Variants in PCDHA8 observed in about 807,000 individuals in gnomAD.
The protein encoded by PCDHA8 is protocadherin alpha-8.
In PCDHA8, 53 loss-of-function variants were observed where a neutral mutation model predicts 61.8. The observed-to-expected ratio is 0.86, with a 90% confidence interval of 0.69 to 1.08. The LOEUF is 1.08. PCDHA8 is among the 50% of genes least tolerant of loss of function. The pLI, the probability that PCDHA8 is intolerant of heterozygous loss-of-function variation, is 0.00. For missense variants in PCDHA8, 1,293 were observed against 1,245.0 expected (o/e 1.04, Z -0.58); for synonymous variants, 618 against 556.6 (o/e 1.11, Z -1.55).
At position 140,850,022 on chromosome 5, in the gene PCDHA8, A is replaced by G. The variant is rs201141536; in HGVS notation, c.2394+6307A>G. The stretch of plus-strand genomic sequence containing the variant: ...AGCGCTCGCTGTCGAGCTACGTGTC[A>G]GTGCACGCGGAGAGCGGCAAGGTGT... On this transcript the variant is annotated intron_variant, in intron 1 of 3. Transcript: ENST00000531613. 38 of 1,596,678 alleles carry G rather than the reference A, an allele frequency of 2.4e-5. 5 individuals are homozygous for G. The highest frequency in any genetic ancestry group is 7.7e-5 in the South Asian group (7 of 90,486).
chr5:140,992,847 A>G (rs183404145), intron 3 of PCDHA8, among the ~76,000 whole-genome samples: 1 of 152,264 alleles, frequency 6.6e-6, no homozygotes, highest in East Asian at 1.9e-4. Flanking sequence ...TTGTATAACA[A>G]CCAGTTTCAC....
chr5:140,872,075 C>T (rs1452265862), intron 1 of PCDHA8, among the ~76,000 whole-genome samples: 1 of 152,234 alleles, frequency 6.6e-6, no homozygotes, highest in Non-Finnish European at 1.5e-5. Flanking sequence ...GCTGGGAATG[C>T]AGTGCCACTG....
chr5:140,843,007 G>A lies in PCDHA8; in HGVS notation c.1686G>A (p.Ala562=). ...QVFVLDENDN[A]PALLEPRVGG... ...TCGTGCTGGACGAGAATGACAACGCGCCGGCACTGCTGGAGCCTCGGGTGG... is the reference window on the plus strand; with the variant it reads ...TCGTGCTGGACGAGAATGACAACGCACCGGCACTGCTGGAGCCTCGGGTGG... The change falls in exon 1 of 4, where the codon GCG becomes GCA. Residue 562 remains alanine (A), a synonymous_variant. Transcript: ENST00000531613. 1 of 1,594,980 alleles carries A rather than the reference G, an allele frequency of 6.3e-7. No homozygotes were observed. The highest frequency in any genetic ancestry group is 8.6e-7 in the Non-Finnish European group (1 of 1,165,484).
chr5:140,871,316 T>C, intron 1 of PCDHA8: 1 of 1,614,034 alleles, frequency 6.2e-7, no homozygotes, highest in South Asian at 1.1e-5. Context: ...AAGCCCACGC[T>C]GGTGTGCTCC....
intron 1 of PCDHA8, among the ~76,000 whole-genome samples, chr5:140,916,911 GA>G (rs2077779129): frequency 1.3e-5 from 2 of 152,178 alleles, no homozygotes; most frequent in Admixed American, 1.3e-4. Context: ...AGTTTACCTA[GA>G]ACCTCAGAGC....
chr5:140,858,202 A>T (rs782325182), intron 1 of PCDHA8: 5 of 1,597,020 alleles, frequency 3.1e-6, no homozygotes. Context: ...TGTACACTGC[A>T]CTGAGGTGCT....
chr5:140,882,022 A>G (rs2153382292), intron 1 of PCDHA8: 2 of 571,970 alleles, frequency 3.5e-6, no homozygotes, highest in Non-Finnish European at 5.6e-6. Flanking sequence ...TACTACATCA[A>G]TGGAAAATAT....
chr5:140,852,300 C>A (rs1056866634), intron 1 of PCDHA8: 2 of 445,888 alleles, frequency 4.5e-6, no homozygotes, highest in East Asian at 1.5e-4. Flanking sequence ...TTTTCTGAGA[C>A]GGAGTCGTTT....
intron 1 of PCDHA8, chr5:140,875,365 A>T: frequency 6.9e-7 from 1 of 1,449,394 alleles, no homozygotes; most frequent in Non-Finnish European, 9.1e-7. Context: ...TGCTGGAAAA[A>T]ATTTACTAAA....
At chr5:140,981,828 A>C (rs2096952526) in intron 2 of PCDHA8, among the ~76,000 whole-genome samples, 1 of 152,060 alleles carries the variant, frequency 6.6e-6, no homozygotes, top group Non-Finnish European at 1.5e-5. Context: ...GCTTGCCTCT[A>C]AAGGTCTCCC....
intron 1 of PCDHA8, among the ~76,000 whole-genome samples, chr5:140,978,570 G>C (rs151127662): frequency 6.6e-6 from 1 of 152,196 alleles, no homozygotes; most frequent in Middle Eastern, 3.2e-3. Flanking sequence ...CTGTAATACT[G>C]AATTGGGAAT....
intron 1 of PCDHA8, among the ~76,000 whole-genome samples, chr5:140,892,991 A>G (rs1477087965): frequency 1.3e-5 from 2 of 152,196 alleles, no homozygotes; most frequent in African/African-American, 2.4e-5. Context: ...TATAAGTGAG[A>G]ACATGTATTT....
In PCDHA8 at chr5:141,010,365, A is replaced by G; in HGVS notation, c.*428A>G. 6.8e-7 allele frequency: 1 copy of G among 1,480,028 alleles called. No individual in the cohort carries two copies. The highest frequency in any genetic ancestry group is 1.3e-5 in the South Asian group (1 of 75,134). The allele number at this position is 1,480,028 out of a possible 1,614,324, so 91.7% of individuals were successfully genotyped here. On this transcript the variant is annotated 3_prime_UTR_variant, in exon 4 of 4. Coordinates refer to ENST00000531613, the MANE Select transcript of PCDHA8 (RefSeq NM_018911.3). Reference sequence around the variant, plus strand: ...CTGGGTATGTGTGGCTACCGCGGGTATGCGAGTGCCAGATATTGGCTGAGA... The same window carrying G: ...CTGGGTATGTGTGGCTACCGCGGGTGTGCGAGTGCCAGATATTGGCTGAGA...
rs2150337974 is a variant in PCDHA8 at position 140,842,521 on chromosome 5, C to T, written c.1200C>T (p.Thr400=). The change falls in exon 1 of 4, where the codon ACC becomes ACT. Residue 400 remains threonine, a synonymous_variant. Coordinates refer to ENST00000531613, the MANE Select transcript of PCDHA8 (RefSeq NM_018911.3). The stretch of plus-strand genomic sequence containing the variant: ...ATGTCCCCTTCAAGCTGGTGTCCAC[C>T]TTCAAGAATTACTACTCGTTGGTGC... The part of the protein sequence containing the change: ...MPHVPFKLVS[T]FKNYYSLVLD... The T allele has an allele frequency of 1.9e-6, 3 of 1,613,508 alleles. No individual in the cohort carries two copies. The highest frequency in any genetic ancestry group is 4.5e-5 in the East Asian group (2 of 44,872).
At chr5:140,866,708 C>G (rs781977454) in intron 1 of PCDHA8, 2 of 152,102 alleles carry the variant, frequency 1.3e-5, no homozygotes, top group African/African-American at 2.4e-5. Flanking sequence ...ATGACGTGCA[C>G]TAGTAAGACA....
At chr5:140,885,981 G>A (rs536900560) in intron 1 of PCDHA8, among the ~76,000 whole-genome samples, 44 of 151,942 alleles carry the variant, frequency 2.9e-4, no homozygotes, top group African/African-American at 8.4e-4. Context: ...TTATAGATTC[G>A]CATGTGGTTG....
In PCDHA8 at chr5:140,980,214, C is replaced by T. The variant is rs2096880494; in HGVS notation, c.2453+1207C>T. 2.0e-5 allele frequency among the ~76,000 whole-genome samples: 3 copies of T among 152,212 alleles called. No homozygotes were observed. The South Asian group carries it at 6.2e-4, about 31-fold the overall frequency. The stretch of plus-strand genomic sequence containing the variant: ...ATTAGAGACCAACTTGTGCTTTTGC[C>T]TGCATCTGAGCTGTTGGTGGAGACA... On this transcript the variant is annotated intron_variant, in intron 2 of 3. Transcript: ENST00000531613.
chr5:140,999,332 T>TTATAA (rs1554256746), intron 3 of PCDHA8, among the ~76,000 whole-genome samples: 1 of 152,222 alleles, frequency 6.6e-6, no homozygotes, highest in Non-Finnish European at 1.5e-5. Flanking sequence ...TCTGTGTGAT[T>TTATAA]TATAAGCCTT....
intron 1 of PCDHA8, among the ~76,000 whole-genome samples, chr5:140,904,937 A>C (rs2071485651): frequency 6.6e-6 from 1 of 152,190 alleles, no homozygotes; most frequent in Non-Finnish European, 1.5e-5. Flanking sequence ...GGTTCTGGAT[A>C]TTAGTCCTTT....
Sources: allele counts gnomAD v4.1 joint callset (sites outside exome capture counted in the v4.1 genomes callset), GRCh38; gene constraint gnomAD v4.1.1; transcripts MANE v1.5; gene names NCBI Gene and HGNC (gene_info 2026-07-23, HGNC 2026-07-21).